DCC: variants seen among roughly 807,000 people sequenced by gnomAD.
DCC encodes DCC netrin 1 receptor.
In DCC, 58 loss-of-function variants were observed where a neutral mutation model predicts 172.5. The observed-to-expected ratio is 0.34, with a 90% confidence interval of 0.27 to 0.42. The LOEUF (loss-of-function observed/expected upper bound fraction) is 0.42. Among genes scored for constraint, DCC ranks in the 10% least tolerant of loss-of-function variants. The pLI is 1.00. For synonymous variants in DCC, 709 were observed against 644.5 expected (o/e 1.10, Z -1.52); for missense variants, 1,740 against 1,791.0 (o/e 0.97, Z 0.51).
At chr18:53,012,378 A>G (rs1047700069) in intron 5 of DCC, among the ~76,000 whole-genome samples, 2 of 152,024 alleles carry the variant, frequency 1.3e-5, no homozygotes, top group Non-Finnish European at 2.9e-5. Context: ...ACACTACAAT[A>G]TGAATAAATC....
intron 8 of DCC, among the ~76,000 whole-genome samples, chr18:53,160,122 C>A (rs554273470): frequency 7.2e-5 from 11 of 152,228 alleles, no homozygotes; most frequent in Admixed American, 2.0e-4. Flanking sequence ...GCTTATCATA[C>A]AATTTTGTCC....
At chr18:52,723,884 C>G (rs950060503) in intron 1 of DCC, among the ~76,000 whole-genome samples, 12 of 152,142 alleles carry the variant, frequency 7.9e-5, no homozygotes, top group African/African-American at 2.7e-4. Flanking sequence ...AGTGCTTGAT[C>G]GGAGACGACA....
intron 1 of DCC, among the ~76,000 whole-genome samples, chr18:52,722,561 A>G (rs1244786333): frequency 6.6e-6 from 1 of 152,214 alleles, no homozygotes; most frequent in Non-Finnish European, 1.5e-5. Context: ...TTGTTTTCAT[A>G]GCTTTAACAT....
rs1598868675 is a variant in DCC at position 52,501,019 on chromosome 18, G to C, written c.91+160141G>C. Among the ~76,000 whole-genome samples the C allele has an allele frequency of 2.0e-5, 3 of 152,182 alleles. No homozygotes were observed. In the East Asian group the frequency reaches 5.8e-4, roughly 29 times the overall value. On this transcript the variant is annotated intron_variant, in intron 1 of 28. Transcript: ENST00000442544. The stretch of plus-strand genomic sequence containing the variant: ...AAGTATGCACATTAAAATTATAGTA[G>C]TATCCACTGGTTATAAAATGCCACA...
In DCC at chr18:53,526,685, T is replaced by A. The variant is rs1345996733; in HGVS notation, c.4180T>A (p.Leu1394Met). The A allele has an allele frequency of 2.5e-6, 4 of 1,613,480 alleles. No homozygotes were observed. Among genetic ancestry groups the A allele is most frequent in the Non-Finnish European group, 3.4e-6 (4 of 1,179,706 alleles). The part of the protein sequence containing the change: ...LGLAGKARSP[L>M]LPVSVPTAPE... ...GTTGGCTGGAAAAGCAAGATCCCCTTTGCTTCCTGTGTCTGTGCCAACAGC... is the reference window on the plus strand; with the variant it reads ...GTTGGCTGGAAAAGCAAGATCCCCTATGCTTCCTGTGTCTGTGCCAACAGC... The change falls in exon 28 of 29, where the codon TTG becomes ATG. Residue 1394 changes from leucine (L) to methionine (M), a missense_variant. By Grantham distance (15) the Leu-to-Met change is conservative. Coordinates refer to ENST00000442544, the MANE Select transcript of DCC (RefSeq NM_005215.4).
At position 52,671,163 on chromosome 18, in the gene DCC, G is replaced by T. The variant is rs189140843; in HGVS notation, c.92-80891G>T. 3.2e-3 allele frequency among the ~76,000 whole-genome samples: 487 copies of T among 152,278 alleles called. 4 individuals carry two copies. Among genetic ancestry groups the T allele is most frequent in the African/African-American group, 0.011 (469 of 41,552 alleles). On this transcript the variant is annotated intron_variant, in intron 1 of 28. Coordinates refer to ENST00000442544, the MANE Select transcript of DCC (RefSeq NM_005215.4). ...AAGTTGGGGTTTCAACAAAATAGGT[G>T]CTTGGACCTCAAACATGAGTTCTTC... is the stretch of plus-strand genomic sequence containing the variant.
intron 24 of DCC, among the ~76,000 whole-genome samples, chr18:53,465,971 A>G (rs1339763288): frequency 6.6e-6 from 1 of 152,014 alleles, no homozygotes; most frequent in Non-Finnish European, 1.5e-5. Context: ...TCACCATGTT[A>G]GCCAGGATGG....
chr18:52,895,892 C>T (rs1476158523), intron 2 of DCC, among the ~76,000 whole-genome samples: 1 of 152,104 alleles, frequency 6.6e-6, no homozygotes, highest in Non-Finnish European at 1.5e-5. Flanking sequence ...TCAAGTGATT[C>T]TCATGCCTCA....
chr18:53,425,942 A>G (rs1181115082), intron 21 of DCC, among the ~76,000 whole-genome samples: 1 of 152,108 alleles, frequency 6.6e-6, no homozygotes, highest in Non-Finnish European at 1.5e-5. Flanking sequence ...TTTGCTTAAA[A>G]TATCTTCAGT....
chr18:53,177,875 A>T (rs1330862867), intron 8 of DCC, among the ~76,000 whole-genome samples: 1 of 152,234 alleles, frequency 6.6e-6, no homozygotes, highest in African/African-American at 2.4e-5. Context: ...AAGAGTGTAG[A>T]TATGCCCAGG....
At chr18:52,480,824 T>C (rs1326366397) in intron 1 of DCC, among the ~76,000 whole-genome samples, 1 of 152,186 alleles carries the variant, frequency 6.6e-6, no homozygotes, top group Admixed American at 6.5e-5. Context: ...CACTATGGTA[T>C]TTGAGATTTG....
intron 2 of DCC, among the ~76,000 whole-genome samples, chr18:52,842,883 T>G (rs2038829339): frequency 6.6e-6 from 1 of 152,180 alleles, no homozygotes; most frequent in Non-Finnish European, 1.5e-5. Flanking sequence ...GTTTTTGTCT[T>G]TAGCATCTGG....
At chr18:53,039,411 C>T (rs1379589222) in intron 5 of DCC, among the ~76,000 whole-genome samples, 1 of 152,024 alleles carries the variant, frequency 6.6e-6, no homozygotes, top group Non-Finnish European at 1.5e-5. Flanking sequence ...TCCTGTGCTG[C>T]TCCACTTTCA....
At chr18:52,680,951 A>G (rs2035739916) in intron 1 of DCC, among the ~76,000 whole-genome samples, 1 of 152,112 alleles carries the variant, frequency 6.6e-6, no homozygotes, top group Non-Finnish European at 1.5e-5. Flanking sequence ...TAGTTTTTAC[A>G]TGGGTCCAAC....
chr18:53,479,445 C>T (rs2045806533), intron 25 of DCC, among the ~76,000 whole-genome samples: 1 of 152,092 alleles, frequency 6.6e-6, no homozygotes, highest in Non-Finnish European at 1.5e-5. Context: ...AACTGGAGAC[C>T]TAGATGTCGT....
At chr18:53,361,987 G>A (rs990815801) in intron 15 of DCC, among the ~76,000 whole-genome samples, 2 of 152,148 alleles carry the variant, frequency 1.3e-5, no homozygotes, top group East Asian at 1.9e-4. Context: ...CTTATGGAAA[G>A]CTTGAAGAAA....
At chr18:52,481,751 T>C (rs16955065) in intron 1 of DCC, among the ~76,000 whole-genome samples, 8,861 of 152,136 alleles carry the variant, frequency 0.058, 319 homozygotes, top group South Asian at 0.12. Flanking sequence ...CTGCTGTGTA[T>C]GTTGCCTCAA....
intron 5 of DCC, among the ~76,000 whole-genome samples, chr18:53,005,797 C>A (rs556745009): frequency 1.3e-5 from 2 of 152,256 alleles, no homozygotes; most frequent in East Asian, 3.9e-4. Flanking sequence ...TATTTTTCAT[C>A]CCTATCATCA....
At chr18:52,865,005 A>G (rs1313607052) in intron 2 of DCC, among the ~76,000 whole-genome samples, 1 of 151,976 alleles carries the variant, frequency 6.6e-6, no homozygotes, top group Non-Finnish European at 1.5e-5. Flanking sequence ...AGCTAGGACT[A>G]CAGGTGCCTG....
Sources: allele counts gnomAD v4.1 joint callset (sites outside exome capture counted in the v4.1 genomes callset), GRCh38; gene constraint gnomAD v4.1.1; transcripts MANE v1.5; gene names NCBI Gene and HGNC (gene_info 2026-07-23, HGNC 2026-07-21).